The following CSMD1 variants were observed in gnomAD, a reference collection of about 807,000 sequenced individuals.
CSMD1 encodes CUB and sushi domain-containing protein 1.
CSMD1 carries 213 observed loss-of-function variants against 417.5 expected under a neutral mutation model. That is an observed-to-expected ratio of 0.51 (90% CI 0.46 to 0.57). CSMD1 has a LOEUF of 0.57. Ranked by LOEUF, CSMD1 falls within the 20% of genes least tolerant of loss-of-function variation. The pLI is 0.00. For synonymous variants in CSMD1, 2,862 were observed against 1,736.8 expected, an observed-to-expected ratio of 1.65 and a Z score of -16.11; for missense variants, 6,923 against 4,529.7, an observed-to-expected ratio of 1.53 and a Z score of -15.17.
At chr8:4,820,136 G>C (rs538332411) in intron 1 of CSMD1, among the ~76,000 whole-genome samples, 1 of 152,042 alleles carries the variant, frequency 6.6e-6, no homozygotes, top group African/African-American at 2.4e-5. Context: ...TAGAATTCTT[G>C]CACCACCTCT....
chr8:3,432,793 C>G (rs560845617), intron 12 of CSMD1, among the ~76,000 whole-genome samples: 1 of 152,308 alleles, frequency 6.6e-6, no homozygotes, highest in East Asian at 1.9e-4. Flanking sequence ...GGATTACAGG[C>G]ATGAGCCACT....
intron 1 of CSMD1, among the ~76,000 whole-genome samples, chr8:4,884,722 G>A (rs558045718): frequency 1.3e-5 from 2 of 152,144 alleles, no homozygotes; most frequent in African/African-American, 4.8e-5. Context: ...TCCTTCCTTG[G>A]ATCAATAGGT....
intron 2 of CSMD1, among the ~76,000 whole-genome samples, chr8:4,495,975 T>C (rs1309380688): frequency 6.6e-6 from 1 of 152,132 alleles, no homozygotes; most frequent in Non-Finnish European, 1.5e-5. Context: ...AAAGTGCAAA[T>C]AGTCTGGCCT....
chr8:3,165,854 T>C (rs572408504), intron 37 of CSMD1, among the ~76,000 whole-genome samples: 1 of 152,188 alleles, frequency 6.6e-6, no homozygotes, highest in Admixed American at 6.5e-5. Context: ...GGTGAAACCT[T>C]CTGAGAGAGA....
intron 5 of CSMD1, among the ~76,000 whole-genome samples, chr8:3,815,563 A>T (rs1164736376): frequency 6.6e-6 from 1 of 152,182 alleles, no homozygotes; most frequent in Non-Finnish European, 1.5e-5. Context: ...TTTTGAAAAA[A>T]TACTGCTTTG....
chr8:3,496,555 T>C (rs1012660725), intron 10 of CSMD1, among the ~76,000 whole-genome samples: 5 of 152,174 alleles, frequency 3.3e-5, no homozygotes, highest in African/African-American at 1.2e-4. Context: ...TTTTGGTATG[T>C]TGTATTTCTA....
At chr8:4,699,494 G>C (rs1807371191) in intron 1 of CSMD1, among the ~76,000 whole-genome samples, 1 of 152,160 alleles carries the variant, frequency 6.6e-6, no homozygotes, top group African/African-American at 2.4e-5. Context: ...TAATGAGAAA[G>C]TCAAAGCTGT....
At chr8:3,720,587 C>T (rs1296904788) in intron 6 of CSMD1, among the ~76,000 whole-genome samples, 2 of 148,534 alleles carry the variant, frequency 1.3e-5, no homozygotes, top group Non-Finnish European at 3.0e-5. Context: ...GTAGGAGAAA[C>T]CTCACAGCAT....
intron 2 of CSMD1, among the ~76,000 whole-genome samples, chr8:4,517,045 C>A (rs1803163428): frequency 6.6e-6 from 1 of 152,232 alleles, no homozygotes; most frequent in Admixed American, 6.5e-5. Flanking sequence ...TTATTTAGAT[C>A]TCTGTTTTTC....
Position 3,666,588 on chromosome 8 carries a change from A to G in CSMD1, c.1009+41826T>C, listed in dbSNP as rs184653422. On this transcript the variant is annotated intron_variant, in intron 7 of 69. Transcript: ENST00000635120. ...CCACCCAAATCTCATCTTGAATTGT[A>G]GCTCCCATAACTCCCATGTGTTGTG... Among the ~76,000 whole-genome samples the G allele has an allele frequency of 6.0e-4, 91 of 152,220 alleles. 5 individuals carry two copies. In the East Asian group the frequency reaches 0.012, roughly 20 times the overall value.
At chr8:4,554,448 C>G (rs752822213) in intron 2 of CSMD1, among the ~76,000 whole-genome samples, 1 of 152,128 alleles carries the variant, frequency 6.6e-6, no homozygotes, top group Non-Finnish European at 1.5e-5. Flanking sequence ...GACACAGTCA[C>G]TTTTTAACAT....
chr8:3,698,812 G>A (rs966545516), intron 7 of CSMD1, among the ~76,000 whole-genome samples: 1 of 152,174 alleles, frequency 6.6e-6, no homozygotes, highest in Non-Finnish European at 1.5e-5. Context: ...GGAAAATTAT[G>A]GCCTGATGAA....
intron 3 of CSMD1, among the ~76,000 whole-genome samples, chr8:4,211,242 T>C (rs948130706): frequency 1.3e-5 from 2 of 152,030 alleles, no homozygotes; most frequent in Non-Finnish European, 2.9e-5. Flanking sequence ...GCACCTCAGA[T>C]AGGGGGAAAA....
intron 3 of CSMD1, among the ~76,000 whole-genome samples, chr8:4,316,639 TG>T (rs1215901046): frequency 6.6e-6 from 1 of 151,858 alleles, no homozygotes; most frequent in Non-Finnish European, 1.5e-5. Flanking sequence ...TGAACGACAA[TG>T]GGGTACACTG....
intron 6 of CSMD1, among the ~76,000 whole-genome samples, chr8:3,716,613 G>A (rs867205672): frequency 2.0e-5 from 3 of 152,262 alleles, no homozygotes; most frequent in Middle Eastern, 6.8e-3. Context: ...ATTTCATCAG[G>A]AAGGACTTTA....
At chr8:4,177,546 C>G (rs182246149) in intron 3 of CSMD1, among the ~76,000 whole-genome samples, 1 of 151,932 alleles carries the variant, frequency 6.6e-6, no homozygotes, top group Non-Finnish European at 1.5e-5. Context: ...CAAACACATT[C>G]AAAGCTAGCA....
chr8:4,170,095 A>T (rs1436881033), intron 3 of CSMD1, among the ~76,000 whole-genome samples: 1 of 151,828 alleles, frequency 6.6e-6, no homozygotes, highest in Non-Finnish European at 1.5e-5. Flanking sequence ...GATTAAAAAT[A>T]TGTATCCCTA....
At chr8:4,168,368 C>A (rs535671192) in intron 3 of CSMD1, among the ~76,000 whole-genome samples, 36 of 151,862 alleles carry the variant, frequency 2.4e-4, no homozygotes, top group Non-Finnish European at 4.6e-4. Flanking sequence ...TGTACTCAGT[C>A]TTGGTGACAG....
chr8:3,177,316 G>C (rs767943497), intron 37 of CSMD1, among the ~76,000 whole-genome samples: 10 of 152,178 alleles, frequency 6.6e-5, no homozygotes, highest in Admixed American at 2.0e-4. Flanking sequence ...CACAGCTGGA[G>C]GCCAGAAAGA....
Sources: allele counts gnomAD v4.1 joint callset (sites outside exome capture counted in the v4.1 genomes callset), GRCh38; gene constraint gnomAD v4.1.1; transcripts MANE v1.5; gene names NCBI Gene and HGNC (gene_info 2026-07-23, HGNC 2026-07-21).